SEMA4D: variants seen among roughly 807,000 people sequenced by gnomAD.
The protein encoded by SEMA4D is semaphorin 4D.
Under a neutral mutation model 74.8 loss-of-function variants are expected in SEMA4D, and 22 were observed. The ratio of observed to expected loss-of-function variants is 0.29; its 90% CI spans 0.21 to 0.42. SEMA4D has a LOEUF of 0.42. Ranked by LOEUF, SEMA4D falls within the 10% of genes least tolerant of loss-of-function variation. The pLI is 1.00. For synonymous variants in SEMA4D, 445 were observed against 463.7 expected (o/e 0.96, Z 0.52); for missense variants, 937 against 1,118.4 (o/e 0.84, Z 2.31).
At chr9:89,389,594 C>T (rs1380634729) in intron 9 of SEMA4D, among the ~76,000 whole-genome samples, 1 of 152,212 alleles carries the variant, frequency 6.6e-6, no homozygotes, top group Non-Finnish European at 1.5e-5. Context: ...TGCTTTGAAC[C>T]TAAGTTCTTT....
chr9:89,462,022 C>T (rs919455986), intron 1 of SEMA4D, among the ~76,000 whole-genome samples: 1 of 152,084 alleles, frequency 6.6e-6, no homozygotes, highest in Admixed American at 6.5e-5. Flanking sequence ...TCTTGAACAA[C>T]AAATGGGTAA....
chr9:89,474,699 G>T (rs1861325763), intron 1 of SEMA4D, among the ~76,000 whole-genome samples: 1 of 152,194 alleles, frequency 6.6e-6, no homozygotes, highest in African/African-American at 2.4e-5. Context: ...TAGCTTGACA[G>T]ACACATGTCA....
chr9:89,468,519 A>C (rs1378374670), intron 1 of SEMA4D, among the ~76,000 whole-genome samples: 1 of 152,230 alleles, frequency 6.6e-6, no homozygotes, highest in Non-Finnish European at 1.5e-5. Context: ...CTCTGCTTAA[A>C]CATCACTCTA....
intron 2 of SEMA4D, among the ~76,000 whole-genome samples, chr9:89,420,147 G>A (rs754645096): frequency 9.2e-5 from 14 of 152,072 alleles, no homozygotes; most frequent in Non-Finnish European, 1.5e-4. Context: ...CTCCCAGCTG[G>A]GGGTTCATAT....
At chr9:89,496,553 T>C (rs1017645908) in intron 1 of SEMA4D, among the ~76,000 whole-genome samples, 16 of 152,162 alleles carry the variant, frequency 1.1e-4, no homozygotes, top group African/African-American at 3.9e-4. Flanking sequence ...GGCCAGTGCA[T>C]CCCTCATCTT....
At chr9:89,375,577 A>C (rs2132557892), downstream of SEMA4D, among the ~76,000 whole-genome samples, 1 of 152,336 alleles carries the variant, frequency 6.6e-6, no homozygotes, top group East Asian at 1.9e-4. Context: ...GTTTAAAAAG[A>C]GAGCAATTGG....
At chr9:89,448,480 TAG>T (rs1162791614) in intron 2 of SEMA4D, among the ~76,000 whole-genome samples, 1 of 152,172 alleles carries the variant, frequency 6.6e-6, no homozygotes, top group Non-Finnish European at 1.5e-5. Flanking sequence ...CGATGTGGGA[TAG>T]AGACAGGGAG....
chr9:89,464,362 G>A (rs1369547177), intron 1 of SEMA4D, among the ~76,000 whole-genome samples: 1 of 152,156 alleles, frequency 6.6e-6, no homozygotes, highest in Non-Finnish European at 1.5e-5. Flanking sequence ...GCTGGGGTGG[G>A]GCTGAGGACC....
intron 15 of SEMA4D, among the ~76,000 whole-genome samples, chr9:89,380,121 C>A (rs570807550): frequency 2.0e-5 from 3 of 152,140 alleles, no homozygotes; most frequent in South Asian, 4.2e-4. Context: ...CAGCTTCAAC[C>A]CCCCCAGCTC....
chr9:89,479,869 A>AT (rs1417394395), intron 1 of SEMA4D: 1 of 152,620 alleles, frequency 6.6e-6, no homozygotes, highest in Non-Finnish European at 1.5e-5. Context: ...CACAGTGTGG[A>AT]AGGGGACCCG....
At chr9:89,388,428 T>C (rs1028172157) in intron 11 of SEMA4D, among the ~76,000 whole-genome samples, 1 of 152,240 alleles carries the variant, frequency 6.6e-6, no homozygotes, top group African/African-American at 2.4e-5. Context: ...CCAGCCTTCT[T>C]GTTTGTGCAA....
intron 1 of SEMA4D, among the ~76,000 whole-genome samples, chr9:89,485,509 C>T (rs1057486492): frequency 6.6e-6 from 1 of 152,160 alleles, no homozygotes; most frequent in Non-Finnish European, 1.5e-5. Flanking sequence ...ATTAACCGGG[C>T]TGGGCACGGT....
intron 2 of SEMA4D, among the ~76,000 whole-genome samples, chr9:89,407,773 A>AAC: frequency 6.6e-6 from 1 of 152,310 alleles, no homozygotes; most frequent in East Asian, 1.9e-4. Flanking sequence ...GCTACACCTG[A>AAC]ACACACAGGG....
intron 13 of SEMA4D, among the ~76,000 whole-genome samples, chr9:89,383,021 CTG>C (rs1837519311): frequency 6.6e-6 from 1 of 152,116 alleles, no homozygotes. Flanking sequence ...TGAAACTAAG[CTG>C]TAAAAACTAA....
chr9:89,493,319 C>A (rs774439789), intron 1 of SEMA4D, among the ~76,000 whole-genome samples: 1 of 152,180 alleles, frequency 6.6e-6, no homozygotes, highest in Non-Finnish European at 1.5e-5. Context: ...TCTGTGCAGG[C>A]GCAAAGGCAG....
At chr9:89,444,255 C>A (rs1202738896) in intron 2 of SEMA4D, among the ~76,000 whole-genome samples, 1 of 152,222 alleles carries the variant, frequency 6.6e-6, no homozygotes, top group Non-Finnish European at 1.5e-5. Flanking sequence ...GCCCCTCTAG[C>A]ACAGCTACAG....
At chr9:89,445,134 G>A (rs1235770699) in intron 2 of SEMA4D, among the ~76,000 whole-genome samples, 1 of 152,172 alleles carries the variant, frequency 6.6e-6, no homozygotes, top group Non-Finnish European at 1.5e-5. Context: ...CCGAAAGAAG[G>A]TGCTGGAACA....
rs183446915 is a variant in SEMA4D, at chr9:89,421,122, T to C, written c.-243-15423A>G. The stretch of plus-strand genomic sequence containing the variant: ...GGATCGGGGCTTCCCCAGGTCCACA[T>C]AGACTCCTGGAAGCAGGGCTTAGGA... On this transcript the variant is annotated intron_variant, in intron 2 of 15. Transcript: ENST00000422704. 2.0e-3 allele frequency among the ~76,000 whole-genome samples: 305 copies of C among 152,338 alleles called. 1 individual carries two copies. The highest frequency in any genetic ancestry group is 6.6e-3 in the African/African-American group (274 of 41,570).
chr9:89,381,041 G>A lies in SEMA4D; in HGVS notation c.1663+14C>T, dbSNP rs370188069. 133 of 1,614,038 alleles carry A rather than the reference G, an allele frequency of 8.2e-5. No homozygotes were observed. Among genetic ancestry groups the A allele is most frequent in the African/African-American group, 4.9e-4 (37 of 75,034 alleles). ...CCACTCCCAAAGGAAATGGGACGTC[G>A]AGGAGTCACTCACCCGGGCACACAG... is the stretch of plus-strand genomic sequence containing the variant. On this transcript the variant is annotated intron_variant, in intron 15 of 15. Transcript: ENST00000422704. The surrounding 1 kb of genome is among the most constrained non-coding windows in gnomAD (Gnocchi z 4.6).
Sources: allele counts gnomAD v4.1 joint callset (sites outside exome capture counted in the v4.1 genomes callset), GRCh38; gene constraint gnomAD v4.1.1; non-coding constraint Gnocchi (gnomAD v3.1); transcripts MANE v1.5; gene names NCBI Gene and HGNC (gene_info 2026-07-23, HGNC 2026-07-21).